CCDC93: variants seen among roughly 807,000 people sequenced by gnomAD.
CCDC93 encodes the protein CCC complex scaffolding subunit CCDC93.
In CCDC93, 61 loss-of-function variants were observed where a neutral mutation model predicts 108.2. That is an observed-to-expected ratio of 0.56 (90% CI 0.46 to 0.70). The LOEUF is 0.70. CCDC93 is among the 30% of genes least tolerant of loss of function. The pLI is 0.00. For missense variants in CCDC93, 685 were observed against 764.2 expected, an observed-to-expected ratio of 0.90 and a Z score of 1.22; for synonymous variants, 276 against 260.4, an observed-to-expected ratio of 1.06 and a Z score of -0.58.
chr2:118,002,665 T>C (rs1676740077), intron 3 of CCDC93, among the ~76,000 whole-genome samples: 1 of 152,022 alleles, frequency 6.6e-6, no homozygotes, highest in Non-Finnish European at 1.5e-5. Flanking sequence ...GAGGGAAGCA[T>C]ATAGGAGAAT....
rs189134601 is a variant in CCDC93, at chr2:117,993,275, A to G, written c.519+2171T>C. Among the ~76,000 whole-genome samples the G allele has an allele frequency of 3.6e-3, 550 of 152,110 alleles. 5 individuals carry two copies. Among genetic ancestry groups the G allele is most frequent in the African/African-American group, 0.013 (531 of 41,520 alleles). ...GCCAGGTCTGGTGGCGGGCGCCTGT[A>G]GTCCCAGCTACTCGGGAGGCTGAGG... is the stretch of plus-strand genomic sequence containing the variant. On this transcript the variant is annotated intron_variant, in intron 6 of 23. Coordinates refer to ENST00000376300, the MANE Select transcript of CCDC93 (RefSeq NM_019044.5).
intron 13 of CCDC93, among the ~76,000 whole-genome samples, chr2:117,951,940 T>C (rs1462719478): frequency 1.3e-5 from 2 of 152,092 alleles, no homozygotes; most frequent in Non-Finnish European, 2.9e-5. Flanking sequence ...TCTGAACAAT[T>C]ATATCACTCT....
At chr2:117,924,842 T>C (rs1275678055) in intron 23 of CCDC93, among the ~76,000 whole-genome samples, 2 of 152,012 alleles carry the variant, frequency 1.3e-5, no homozygotes, top group Non-Finnish European at 1.5e-5. Context: ...TTCACCAAAG[T>C]TGAAATGGAA....
intron 3 of CCDC93, among the ~76,000 whole-genome samples, chr2:118,003,492 T>C (rs1305692262): frequency 6.6e-6 from 1 of 152,186 alleles, no homozygotes; most frequent in Admixed American, 6.5e-5. Flanking sequence ...TTTCCTTAGT[T>C]ACATTTTGGT....
chr2:117,931,223 G>T, intron 22 of CCDC93, 73 bp from the exon 23 acceptor site: 1 of 961,290 alleles, frequency 1.0e-6, no homozygotes, highest in Non-Finnish European at 1.7e-6. Context: ...CATCCAAAAG[G>T]CAACAGTTGT....
chr2:118,001,005 A>T, intron 3 of CCDC93, 73 bp from the exon 4 acceptor site: 5 of 894,064 alleles, frequency 5.6e-6, no homozygotes, highest in Non-Finnish European at 9.4e-6. Flanking sequence ...AAGTCTGGGC[A>T]GCATCACAGA....
intron 7 of CCDC93, among the ~76,000 whole-genome samples, chr2:117,981,676 T>A (rs1374893509): frequency 2.6e-5 from 4 of 152,242 alleles, no homozygotes; most frequent in Non-Finnish European, 4.4e-5. Context: ...GTTAGTAGGT[T>A]CATATGACCA....
intron 2 of CCDC93, among the ~76,000 whole-genome samples, 167 bp downstream of exon 2, chr2:118,008,378 T>C (rs892205478): frequency 6.6e-6 from 1 of 152,240 alleles, no homozygotes. Flanking sequence ...ATCATTTCTG[T>C]CTTTGAAAAG....
At chr2:117,930,403 G>A (rs1460892869) in intron 23 of CCDC93, among the ~76,000 whole-genome samples, 1 of 152,154 alleles carries the variant, frequency 6.6e-6, no homozygotes, top group African/African-American at 2.4e-5. Flanking sequence ...TTTCTTTCTG[G>A]AACAATGAAG....
chr2:117,948,036 G>T, intron 15 of CCDC93, 69 bp downstream of exon 15: 1 of 1,265,036 alleles, frequency 7.9e-7, no homozygotes, highest in Non-Finnish European at 1.2e-6. Context: ...GCCACAACAG[G>T]ACAACGGAGG....
chr2:117,947,962 G>C, intron 15 of CCDC93, 143 bp downstream of exon 15: 1 of 662,660 alleles, frequency 1.5e-6, no homozygotes, highest in Non-Finnish European at 2.7e-6. Flanking sequence ...CCAAAGTGCT[G>C]GGATTACAGG....
rs148972419 is a variant in CCDC93, at chr2:118,007,471, A to C, written c.157-655T>G. ...TGGATCACGAGGTCAGGAGTTTGAG[A>C]CCAGCCTGGCCAACGCAGTGAAACC... On this transcript the variant is annotated intron_variant, in intron 2 of 23. Transcript: ENST00000376300. Among the ~76,000 whole-genome samples, 6 of 152,324 alleles carry C rather than the reference A, an allele frequency of 3.9e-5. No individual in the cohort carries two copies. The East Asian group carries it at 1.2e-3, about 29-fold the overall frequency.
At chr2:117,928,501 A>G (rs1364805197) in intron 23 of CCDC93, among the ~76,000 whole-genome samples, 1 of 152,270 alleles carries the variant, frequency 6.6e-6, no homozygotes, top group African/African-American at 2.4e-5. Context: ...CAAAAGACAC[A>G]TGAAAAAGTG....
chr2:117,995,835 CAG>C (rs1233961984), intron 5 of CCDC93: 3 of 201,040 alleles, frequency 1.5e-5, no homozygotes, highest in African/African-American at 7.0e-5. Context: ...GTCTATGAAA[CAG>C]AGATAAAAAC....
intron 12 of CCDC93, among the ~76,000 whole-genome samples, chr2:117,957,758 T>C (rs972314181): frequency 1.3e-5 from 2 of 152,200 alleles, no homozygotes; most frequent in East Asian, 1.9e-4. Flanking sequence ...TAAGTCCATA[T>C]AGCCCATACA....
intron 12 of CCDC93, among the ~76,000 whole-genome samples, chr2:117,952,658 C>T (rs777399805): frequency 1.3e-5 from 2 of 152,196 alleles, no homozygotes; most frequent in Non-Finnish European, 2.9e-5. Flanking sequence ...AATTATATCA[C>T]TGAATCTTTA....
intron 22 of CCDC93, 82 bp from the exon 23 acceptor site, chr2:117,931,232 G>A: frequency 2.3e-6 from 2 of 868,386 alleles, no homozygotes; most frequent in Non-Finnish European, 3.8e-6. Context: ...GGCAACAGTT[G>A]TTAACAGTTT....
chr2:117,977,131 G>T (rs1457793089), intron 8 of CCDC93, among the ~76,000 whole-genome samples: 1 of 151,800 alleles, frequency 6.6e-6, no homozygotes, highest in Admixed American at 6.6e-5. Context: ...GTAGAGACGG[G>T]GTTTCACCGT....
In CCDC93 at chr2:117,957,176, C is replaced by T. The variant is rs146591706; in HGVS notation, c.1005+1189G>A. Among the ~76,000 whole-genome samples the T allele has an allele frequency of 2.8e-3, 420 of 152,308 alleles. 1 individual carries two copies. Among genetic ancestry groups the T allele is most frequent in the Non-Finnish European group, 4.8e-3 (328 of 68,012 alleles). On this transcript the variant is annotated intron_variant, in intron 12 of 23. Transcript: ENST00000376300. Reference sequence around the variant, plus strand: ...AAAGTGCTGGGATTACAGGCGTGAGCCACCACACCTGGCCCATATTCATTC... The same window carrying T: ...AAAGTGCTGGGATTACAGGCGTGAGTCACCACACCTGGCCCATATTCATTC...
Sources: allele counts gnomAD v4.1 joint callset (sites outside exome capture counted in the v4.1 genomes callset), GRCh38; gene constraint gnomAD v4.1.1; transcripts MANE v1.5; gene names NCBI Gene and HGNC (gene_info 2026-07-23, HGNC 2026-07-21).